Variants in SPNS2 observed in about 807,000 individuals in gnomAD.
SPNS2 encodes the protein SPNS lysolipid transporter 2, sphingosine-1-phosphate.
A neutral mutation model predicts 57.6 loss-of-function variants in SPNS2; 37 were observed. The observed-to-expected ratio is 0.64, with a 90% CI of 0.49 to 0.85. The LOEUF (loss-of-function observed/expected upper bound fraction) is 0.85. SPNS2 is among the 40% of genes least tolerant of loss of function. The pLI is 0.00. For synonymous variants in SPNS2, 440 were observed against 346.9 expected (o/e 1.27, Z -2.98); for missense variants, 831 against 779.1 (o/e 1.07, Z -0.79).
At position 4,536,106 on chromosome 17, in the gene SPNS2, G is replaced by T. The variant is rs779342657; in HGVS notation, c.1375G>T (p.Ala459Ser). ...YVVIPTRRAT[A>S]VALQSFTSHL... ...GGTCATCCCCACGCGGCGCGCCACT[G>T]CCGTGGCCTTGCAGAGCTTCACCTC... The change falls in exon 10 of 13, where the codon GCC becomes TCC. Residue 459 changes from alanine to serine, a missense_variant. Physicochemically the swap from Ala to Ser is moderately conservative, Grantham distance 99 (BLOSUM62 1). Coordinates refer to ENST00000329078, the MANE Select transcript of SPNS2 (RefSeq NM_001124758.3). The T allele has an allele frequency of 2.5e-6, 4 of 1,612,372 alleles. No homozygotes were observed. The highest frequency in any genetic ancestry group is 2.2e-5 in the East Asian group (1 of 44,870).
In SPNS2 at chr17:4,538,337, G is replaced by A. The variant is rs1385219058; in HGVS notation, c.*889G>A. 2 of 182,280 alleles carry A rather than the reference G, an allele frequency of 1.1e-5. No individual in the cohort carries two copies. Among genetic ancestry groups the A allele is most frequent in the Non-Finnish European group, 2.3e-5 (2 of 87,228 alleles). The allele number at this position is 182,280 out of a possible 1,614,324, so 11.3% of individuals were successfully genotyped here. On this transcript the variant is annotated 3_prime_UTR_variant, in exon 13 of 13. Transcript: ENST00000329078. Reference sequence around the variant, plus strand: ...GGAGACCATTCCCAGAATCCATGGGGCAGTAGCCAGGGCTCCGGCTGCTGG... The same window carrying A: ...GGAGACCATTCCCAGAATCCATGGGACAGTAGCCAGGGCTCCGGCTGCTGG...
intron 2 of SPNS2, among the ~76,000 whole-genome samples, chr17:4,515,110 C>T (rs1904951999): frequency 1.3e-5 from 2 of 152,232 alleles, no homozygotes; most frequent in Non-Finnish European, 1.5e-5. Flanking sequence ...GGGGGCTCGG[C>T]TCAAGGCAGG....
chr17:4,506,201 T>A (rs1904673019), intron 1 of SPNS2, among the ~76,000 whole-genome samples: 1 of 152,134 alleles, frequency 6.6e-6, no homozygotes, highest in Non-Finnish European at 1.5e-5. Flanking sequence ...TCAGCTTCCA[T>A]CCGAGGCGGG....
chr17:4,520,864 A>C (rs4790200), intron 2 of SPNS2, among the ~76,000 whole-genome samples: 19,037 of 152,182 alleles, frequency 0.13, 2,352 homozygotes, highest in East Asian at 0.61. Flanking sequence ...AAAAGAGATC[A>C]TCTGTGCATA....
At chr17:4,507,085 C>T (rs536748465) in intron 1 of SPNS2, among the ~76,000 whole-genome samples, 15 of 152,286 alleles carry the variant, frequency 9.8e-5, no homozygotes, top group Admixed American at 3.3e-4. Flanking sequence ...GGGGTGCCAG[C>T]GGGGCCGGGC....
chr17:4,505,201 C>A lies in SPNS2; in HGVS notation c.370+5784C>A, dbSNP rs56146728. Among the ~76,000 whole-genome samples, 813 of 152,260 alleles carry A rather than the reference C, an allele frequency of 5.3e-3. 7 individuals carry two copies. Among genetic ancestry groups the A allele is most frequent in the African/African-American group, 0.018 (759 of 41,542 alleles). ...CTAGCCATGGTCACACCTGGGACCC[C>A]CGCATGCATAGGAGACTGCCCCAGG... is the stretch of plus-strand genomic sequence containing the variant. On this transcript the variant is annotated intron_variant, in intron 1 of 12. Coordinates refer to ENST00000329078, the MANE Select transcript of SPNS2 (RefSeq NM_001124758.3).
At chr17:4,534,411 C>CT in intron 9 of SPNS2, 1 of 171,782 alleles carries the variant, frequency 5.8e-6, no homozygotes, top group Non-Finnish European at 1.3e-5. Flanking sequence ...TCATGGCCCT[C>CT]TGGGCGTGGC....
rs567293287 is a variant in SPNS2 at position 4,538,246 on chromosome 17, C to G, written c.*798C>G. The G allele has an allele frequency of 5.1e-6, 1 of 196,812 alleles. No homozygotes were observed. Among genetic ancestry groups the G allele is most frequent in the African/African-American group, 2.3e-5 (1 of 42,824 alleles). The allele number at this position is 196,812 out of a possible 1,614,324, so 12.2% of individuals were successfully genotyped here. On this transcript the variant is annotated 3_prime_UTR_variant, in exon 13 of 13. Transcript: ENST00000329078. ...TGCAGGGCTTCTCTCCCTGCCACCA[C>G]CCCCCAAGCCAGGACCCCACTCCTT...
Position 4,538,724 on chromosome 17 carries a change from G to A in SPNS2, c.*1276G>A. ...CTTGCCCCTTAGTTACTGGCTGGCT[G>A]TGGCTTCAGTGGTGTGTAAGCAGGT... On this transcript the variant is annotated 3_prime_UTR_variant, in exon 13 of 13. Transcript: ENST00000329078. The A allele has an allele frequency of 1.5e-6, 1 of 652,760 alleles. No homozygotes were observed. Among genetic ancestry groups the A allele is most frequent in the South Asian group, 1.7e-5 (1 of 59,966 alleles). The allele number at this position is 652,760 out of a possible 1,614,324, so 40.4% of individuals were successfully genotyped here.
chr17:4,511,866 G>C lies in SPNS2; in HGVS notation c.371-1381G>C, dbSNP rs1430606442. Among the ~76,000 whole-genome samples, 1 of 152,132 alleles carries C rather than the reference G, an allele frequency of 6.6e-6. No homozygotes were observed. The highest frequency in any genetic ancestry group is 1.5e-5 in the Non-Finnish European group (1 of 68,010). On this transcript the variant is annotated intron_variant, in intron 1 of 12. Transcript: ENST00000329078. This position sits in a 1 kb window ranked among gnomAD's most constrained non-coding sequence, Gnocchi z 4.6. Reference sequence around the variant, plus strand: ...TCTCGGAAGGGACAGTGACGTTCCAGCCTCCCCACTCCTTCCACACCCCCA... The same window carrying C: ...TCTCGGAAGGGACAGTGACGTTCCACCCTCCCCACTCCTTCCACACCCCCA...
rs117889092 is a variant in SPNS2 at position 4,510,840 on chromosome 17, C to T, written c.371-2407C>T. Among the ~76,000 whole-genome samples, 3,453 of 152,156 alleles carry T rather than the reference C, an allele frequency of 0.023. 64 individuals carry two copies. The highest frequency in any genetic ancestry group is 0.11 in the East Asian group (555 of 5,164). On this transcript the variant is annotated intron_variant, in intron 1 of 12. Transcript: ENST00000329078. The surrounding 1 kb of genome is among the most constrained non-coding windows in gnomAD (Gnocchi z 4.4). Reference sequence around the variant, plus strand: ...CCTGTGGGTTATGTGTGTGCTGGGCCCTGGAGGACACCAGCAAACCACGCA... The same window carrying T: ...CCTGTGGGTTATGTGTGTGCTGGGCTCTGGAGGACACCAGCAAACCACGCA...
Position 4,530,803 on chromosome 17 carries a change from G to C in SPNS2, c.725+20G>C, listed in dbSNP as rs1460940992. ...GGGCAGGTGAGAGCCGGAGATGCCA[G>C]GGTCTGGGTGAGGATCTGGGCAAGG... On this transcript the variant is annotated intron_variant, in intron 4 of 12. Coordinates refer to ENST00000329078, the MANE Select transcript of SPNS2 (RefSeq NM_001124758.3). 1.9e-6 allele frequency: 3 copies of C among 1,605,636 alleles called. No homozygotes were observed. Among genetic ancestry groups the C allele is most frequent in the Non-Finnish European group, 2.6e-6 (3 of 1,175,612 alleles).
At chr17:4,530,869 A>T in intron 4 of SPNS2, 86 bp downstream of exon 4, 1 of 1,538,196 alleles carries the variant, frequency 6.5e-7, no homozygotes. Context: ...CTGGGGTTCT[A>T]GCCCAGGCAG....
At chr17:4,536,012 G>C in intron 9 of SPNS2, 64 bp from the exon 10 acceptor site, 1 of 1,440,392 alleles carries the variant, frequency 6.9e-7, no homozygotes, top group East Asian at 2.3e-5. Flanking sequence ...GCCACGGCCC[G>C]GGGCCAGGGC....
chr17:4,527,116 A>G lies in SPNS2; in HGVS notation c.573+1923A>G, dbSNP rs188994327. 6.6e-5 allele frequency among the ~76,000 whole-genome samples: 10 copies of G among 151,132 alleles called. No homozygotes were observed. In the South Asian group the frequency reaches 1.0e-3, roughly 16 times the overall value. On this transcript the variant is annotated intron_variant, in intron 3 of 12. Transcript: ENST00000329078. The stretch of plus-strand genomic sequence containing the variant: ...AAGATAAGCAAAGGCAGAGAGAGAA[A>G]CAGGTCACCTCCAGTGAATCCATAA...
chr17:4,513,452 C>T (rs1904905641), intron 2 of SPNS2, 140 bp downstream of exon 2: 2 of 815,142 alleles, frequency 2.5e-6, no homozygotes, highest in African/African-American at 1.7e-5. Flanking sequence ...ATCCCAGTCT[C>T]ACTATTGCCA....
Position 4,533,119 on chromosome 17 carries a change from G to C in SPNS2, c.1078G>C (p.Ala360Pro). ...AETCNSPPCG[A>P]KDSLIFGAIT... is the part of the protein sequence containing the mutation. ...GACGTGCAACAGCCCGCCCTGTGGG[G>C]CCAAGGACAGGTGGGGCCCCGCGGG... The change falls in exon 7 of 13, where the codon GCC becomes CCC. Residue 360 changes from alanine to proline, a missense_variant. Ala to Pro is a conservative substitution (Grantham distance 27). Coordinates refer to ENST00000329078, the MANE Select transcript of SPNS2 (RefSeq NM_001124758.3). The C allele has an allele frequency of 6.2e-7, 1 of 1,610,054 alleles. No individual in the cohort carries two copies. The highest frequency in any genetic ancestry group is 8.5e-7 in the Non-Finnish European group (1 of 1,178,196).
At chr17:4,522,405 C>T (rs1486100520) in intron 2 of SPNS2, among the ~76,000 whole-genome samples, 1 of 152,158 alleles carries the variant, frequency 6.6e-6, no homozygotes, top group Non-Finnish European at 1.5e-5. Context: ...CATGCTGATT[C>T]TCCCCAAGGC....
chr17:4,502,709 A>G (rs1204440394), intron 1 of SPNS2, among the ~76,000 whole-genome samples: 1 of 152,136 alleles, frequency 6.6e-6, no homozygotes, highest in Non-Finnish European at 1.5e-5. Context: ...GGACGGGGCC[A>G]GATTCCTAGG....
Sources: allele counts gnomAD v4.1 joint callset (sites outside exome capture counted in the v4.1 genomes callset), GRCh38; gene constraint gnomAD v4.1.1; non-coding constraint Gnocchi (gnomAD v3.1); transcripts MANE v1.5; gene names NCBI Gene and HGNC (gene_info 2026-07-23, HGNC 2026-07-21).